VPS8: variants seen among roughly 807,000 people sequenced by gnomAD.
VPS8 encodes the protein vacuolar protein sorting-associated protein 8 homolog.
Under a neutral mutation model 216.4 loss-of-function variants are expected in VPS8, and 129 were observed. That is an observed-to-expected ratio of 0.60 (90% confidence interval 0.52 to 0.69). The LOEUF (loss-of-function observed/expected upper bound fraction) is 0.69, where lower values mean the gene tolerates loss of function less well. Ranked by LOEUF, VPS8 falls within the 30% of genes least tolerant of loss-of-function variation. The pLI is 0.00. For synonymous variants in VPS8, 571 were observed against 565.4 expected (o/e 1.01, Z -0.14); for missense variants, 1,531 against 1,683.5 (o/e 0.91, Z 1.59).
At chr3:184,961,963 T>C (rs1560882770) in intron 37 of VPS8, among the ~76,000 whole-genome samples, 1 of 152,226 alleles carries the variant, frequency 6.6e-6, no homozygotes, top group Non-Finnish European at 1.5e-5. Context: ...GGTTTCACCA[T>C]GTTGCCCAGG....
At chr3:184,893,181 G>T (rs1186625675) in intron 22 of VPS8, 2 of 1,025,494 alleles carry the variant, frequency 2.0e-6, no homozygotes, top group Non-Finnish European at 2.5e-6. Flanking sequence ...GCAGGGTGGT[G>T]TGGAGTTCTG....
chr3:184,905,402 T>G (rs1735310724), intron 25 of VPS8, among the ~76,000 whole-genome samples: 1 of 152,204 alleles, frequency 6.6e-6, no homozygotes, highest in South Asian at 2.1e-4. Flanking sequence ...ATAGTATTCC[T>G]TTGTAATTCC....
intron 16 of VPS8, among the ~76,000 whole-genome samples, chr3:184,866,410 A>C (rs1244310744): frequency 6.6e-6 from 1 of 152,236 alleles, no homozygotes; most frequent in Non-Finnish European, 1.5e-5. Context: ...AATGGGAGTG[A>C]CTACAGGTGG....
At chr3:184,989,929 CA>C (rs1751652465) in intron 42 of VPS8, among the ~76,000 whole-genome samples, 1 of 151,898 alleles carries the variant, frequency 6.6e-6, no homozygotes, top group African/African-American at 2.4e-5. Flanking sequence ...AAAAATTAGC[CA>C]GGCATGGTGG....
intron 39 of VPS8, among the ~76,000 whole-genome samples, chr3:184,971,100 T>C (rs1748327677): frequency 6.6e-6 from 1 of 152,234 alleles, no homozygotes; most frequent in Non-Finnish European, 1.5e-5. Context: ...TTGAAAGTGC[T>C]TGCAGGACAT....
At chr3:184,979,339 G>A (rs1190957685) in intron 40 of VPS8, among the ~76,000 whole-genome samples, 3 of 152,086 alleles carry the variant, frequency 2.0e-5, no homozygotes, top group African/African-American at 7.2e-5. Context: ...GTCACATTCA[G>A]GTCCTGAGTA....
In VPS8 at chr3:185,008,238, A is replaced by G. The variant is rs371890043; in HGVS notation, c.4002+8377A>G. On this transcript the variant is annotated intron_variant, in intron 45 of 47. Transcript: ENST00000625842. ...CAGCATTTTGAGGAGACTTTTGCCC[A>G]TTTTCCAATAATCTTGTTATTATAC... 9.9e-5 allele frequency among the ~76,000 whole-genome samples: 15 copies of G among 152,200 alleles called. No individual in the cohort carries two copies. In the East Asian group the frequency reaches 2.9e-3, roughly 29 times the overall value.
At chr3:184,904,384 C>T (rs941558153) in intron 25 of VPS8, among the ~76,000 whole-genome samples, 1 of 152,130 alleles carries the variant, frequency 6.6e-6, no homozygotes, top group African/African-American at 2.4e-5. Context: ...TTTCTTTACC[C>T]AGTTTGAGTG....
intron 45 of VPS8, among the ~76,000 whole-genome samples, chr3:185,006,880 G>C (rs1212320412): frequency 1.3e-5 from 2 of 152,096 alleles, no homozygotes; most frequent in African/African-American, 4.8e-5. Flanking sequence ...CAAGACTTGA[G>C]ATAATTAACT....
At chr3:184,999,966 G>T in intron 45 of VPS8, 105 bp downstream of exon 45, 1 of 1,251,792 alleles carries the variant, frequency 8.0e-7, no homozygotes, top group Non-Finnish European at 1.1e-6. Context: ...AAATTTACCT[G>T]GTGGGTATTG....
chr3:185,021,664 C>A (rs1230090656), intron 45 of VPS8, among the ~76,000 whole-genome samples: 1 of 152,188 alleles, frequency 6.6e-6, no homozygotes, highest in African/African-American at 2.4e-5. Context: ...TGCAGATCTG[C>A]TCAATCTGAA....
intron 5 of VPS8, among the ~76,000 whole-genome samples, chr3:184,835,709 C>CT (rs34896906): frequency 0.24 from 30,582 of 126,750 alleles, 4,514 homozygotes; most frequent in East Asian, 0.62. Context: ...TTGGATTTTT[C>CT]TTTTTTTTTT....
chr3:184,859,433 A>T (rs1342720495), intron 14 of VPS8, among the ~76,000 whole-genome samples: 1 of 152,170 alleles, frequency 6.6e-6, no homozygotes, highest in African/African-American at 2.4e-5. Flanking sequence ...ATCCTTTTTA[A>T]TGCCTCAAAC....
At chr3:184,853,066 A>C (rs1724611126) in intron 11 of VPS8, among the ~76,000 whole-genome samples, 1 of 152,224 alleles carries the variant, frequency 6.6e-6, no homozygotes, top group African/African-American at 2.4e-5. Flanking sequence ...GTTAACAACT[A>C]TCTTTGTTTC....
intron 25 of VPS8, among the ~76,000 whole-genome samples, chr3:184,907,607 A>G (rs1319955701): frequency 6.6e-6 from 1 of 152,102 alleles, no homozygotes; most frequent in Non-Finnish European, 1.5e-5. Flanking sequence ...TAATCTGCAC[A>G]CCATGGTGCC....
chr3:184,906,389 T>C (rs1231478234), intron 25 of VPS8, among the ~76,000 whole-genome samples: 1 of 152,240 alleles, frequency 6.6e-6, no homozygotes, highest in Non-Finnish European at 1.5e-5. Flanking sequence ...CATAGTAATG[T>C]GTTGAATGTC....
intron 8 of VPS8, among the ~76,000 whole-genome samples, chr3:184,847,276 A>G (rs1288989733): frequency 1.3e-5 from 2 of 152,220 alleles, no homozygotes; most frequent in Non-Finnish European, 1.5e-5. Context: ...TTATGAGCAC[A>G]GAAAAGGACT....
intron 45 of VPS8, among the ~76,000 whole-genome samples, chr3:185,023,023 A>T (rs755926579): frequency 6.6e-6 from 1 of 152,228 alleles, no homozygotes. Context: ...CTGGACATAC[A>T]TAAAGTGTAC....
chr3:184,903,020 G>C (rs2109001844), intron 25 of VPS8, among the ~76,000 whole-genome samples: 1 of 152,144 alleles, frequency 6.6e-6, no homozygotes, highest in African/African-American at 2.4e-5. Context: ...ATTCCCATAA[G>C]TCTTACCATT....
Sources: gnomAD v4.1 joint callset for allele counts (sites outside exome capture counted in the v4.1 genomes callset) on GRCh38, gnomAD v4.1.1 for gene constraint, MANE v1.5 for transcripts, NCBI Gene and HGNC (gene_info 2026-07-23, HGNC 2026-07-21) for gene names.